The following KLHL8 variants were observed in gnomAD, a reference collection of about 807,000 sequenced individuals.
The protein encoded by KLHL8 is kelch-like protein 8.
A neutral mutation model predicts 63.5 loss-of-function variants in KLHL8; 38 were observed. The ratio of observed to expected loss-of-function variants is 0.60; its 90% CI spans 0.46 to 0.78. KLHL8 has a LOEUF of 0.78. Among genes scored for constraint, KLHL8 ranks in the 30% least tolerant of loss-of-function variants. KLHL8 has a pLI of 0.00. For synonymous variants in KLHL8, 224 were observed against 254.3 expected (o/e 0.88, Z 1.13); for missense variants, 566 against 752.4 (o/e 0.75, Z 2.90).
At chr4:87,208,708 A>G (rs1732265300) in intron 1 of KLHL8, among the ~76,000 whole-genome samples, 1 of 152,110 alleles carries the variant, frequency 6.6e-6, no homozygotes, top group Non-Finnish European at 1.5e-5. Flanking sequence ...AGGTATCACT[A>G]ATATCTTATT....
At chr4:87,219,745 G>C (rs1192828064) in intron 1 of KLHL8, 1 of 152,580 alleles carries the variant, frequency 6.6e-6, no homozygotes, top group African/African-American at 2.4e-5. Flanking sequence ...CCACCGGGCG[G>C]CTGAGCGTCT....
Position 87,220,546 on chromosome 4 carries a change from C to G in KLHL8, c.-280G>C, listed in dbSNP as rs970251683. On this transcript the variant is annotated 5_prime_UTR_variant, in exon 1 of 10. Coordinates refer to ENST00000273963, the MANE Select transcript of KLHL8 (RefSeq NM_020803.5). The stretch of plus-strand genomic sequence containing the variant: ...CGAGCACCCGGCGGACGCGCGCTCT[C>G]CTGCGCGGCCCCGCGGAGCCCCGGC... 47 of 152,074 alleles carry G rather than the reference C, an allele frequency of 3.1e-4. No homozygotes were observed. Among genetic ancestry groups the G allele is most frequent in the African/African-American group, 1.1e-3 (44 of 41,434 alleles). 9.4% of individuals were successfully genotyped at this position (152,074 alleles called of 1,614,324 possible).
intron 1 of KLHL8, among the ~76,000 whole-genome samples, chr4:87,210,754 T>G (rs1732372797): frequency 6.6e-6 from 1 of 152,172 alleles, no homozygotes; most frequent in Non-Finnish European, 1.5e-5. Flanking sequence ...TCTGCCTCCT[T>G]TCAGGCTTTC....
chr4:87,178,603 C>A lies in KLHL8; in HGVS notation c.970G>T (p.Gly324Cys). The change falls in exon 5 of 10, where the codon GGT (glycine) becomes TGT (cysteine). Residue 324 changes from glycine to cysteine, a missense_variant. Coordinates refer to ENST00000273963, the MANE Select transcript of KLHL8 (RefSeq NM_020803.5). ...GGGTCACCAGATCCACCTCGACCAC[C>A]TACACAAAACAGCACACCTAAAGGT... ...KHTAGVLFCV[G>C]GRGGSGDPFR... 1.3e-6 allele frequency: 2 copies of A among 1,595,814 alleles called. No homozygotes were observed. Among genetic ancestry groups the A allele is most frequent in the Non-Finnish European group, 1.7e-6 (2 of 1,175,046 alleles).
intron 1 of KLHL8, among the ~76,000 whole-genome samples, chr4:87,208,358 CTTCT>C (rs1427226272): frequency 2.6e-5 from 4 of 151,398 alleles, no homozygotes; most frequent in Admixed American, 1.3e-4. Flanking sequence ...TTGTCTTCTT[CTTCT>C]TTTTTTCTTT....
intron 1 of KLHL8, among the ~76,000 whole-genome samples, chr4:87,208,908 C>T (rs1004386437): frequency 4.6e-5 from 7 of 152,084 alleles, no homozygotes; most frequent in African/African-American, 1.7e-4. Flanking sequence ...ATTATTTTTA[C>T]ATTTGAATTC....
intron 8 of KLHL8, among the ~76,000 whole-genome samples, chr4:87,164,919 G>A (rs191539735): frequency 6.6e-5 from 10 of 151,814 alleles, no homozygotes; most frequent in African/African-American, 1.7e-4. Context: ...GAGGCCAAGG[G>A]GGGCCGATCA....
chr4:87,185,282 T>C lies in KLHL8; in HGVS notation c.734A>G (p.His245Arg), dbSNP rs1399825171. 25 of 1,613,736 alleles carry C rather than the reference T, an allele frequency of 1.5e-5. No individual in the cohort carries two copies. Among genetic ancestry groups the C allele is most frequent in the Non-Finnish European group, 2.0e-5 (24 of 1,179,728 alleles). Residue 245 changes from histidine to arginine, a missense_variant, in exon 3 of 10, where the codon CAT becomes CGT. Physicochemically the swap from His to Arg is conservative, Grantham distance 29. Coordinates refer to ENST00000273963, the MANE Select transcript of KLHL8 (RefSeq NM_020803.5). ...AAGTGTTTCATCCAACCATTTGGAA[T>C]GATGCTGAGGATTGGCAAGAAGCCA... ...IKWLLANPQH[H>R]SKWLDETLAQ...
At position 87,185,990 on chromosome 4, in the gene KLHL8, T is replaced by C. The variant is rs183521504; in HGVS notation, c.217-191A>G. On this transcript the variant is annotated intron_variant, in intron 2 of 9. Transcript: ENST00000273963. ...GTCAGGTAATTTTCATATTCCAAAT[T>C]AACCACATATCATATTCATATATAT... 1.9e-3 allele frequency among the ~76,000 whole-genome samples: 296 copies of C among 152,080 alleles called. 7 individuals are homozygous for C. Among genetic ancestry groups the C allele is most frequent in the Admixed American group, 0.018 (278 of 15,266 alleles).
intron 1 of KLHL8, among the ~76,000 whole-genome samples, chr4:87,213,213 A>G (rs948909340): frequency 6.6e-6 from 1 of 152,216 alleles, no homozygotes; most frequent in Admixed American, 6.5e-5. Flanking sequence ...GTATTAAAAG[A>G]AAGATCTTGA....
intron 1 of KLHL8, among the ~76,000 whole-genome samples, chr4:87,214,606 T>G (rs1001162094): frequency 2.0e-5 from 3 of 151,744 alleles, no homozygotes; most frequent in Non-Finnish European, 2.9e-5. Context: ...AGCTATGAAG[T>G]GCAATGTCGA....
intron 2 of KLHL8, among the ~76,000 whole-genome samples, chr4:87,190,033 CAAAAA>C (rs35607781): frequency 5.2e-5 from 4 of 76,758 alleles, no homozygotes; most frequent in Admixed American, 1.5e-4. Flanking sequence ...GCCTCCATCT[CAAAAA>C]AAAAAAAAAA....
intron 8 of KLHL8, 53 bp from the exon 9 acceptor site, chr4:87,164,132 C>T: frequency 7.0e-7 from 1 of 1,429,826 alleles, no homozygotes; most frequent in Non-Finnish European, 9.8e-7. Context: ...AAATTAACTA[C>T]TAAATTTCAA....
At chr4:87,235,661 C>T (rs1733213409) in intron 1 of KLHL8, among the ~76,000 whole-genome samples, 1 of 152,146 alleles carries the variant, frequency 6.6e-6, no homozygotes, top group Admixed American at 6.6e-5. Flanking sequence ...AGCATGATCT[C>T]TATAGCTAAT....
chr4:87,194,000 T>C (rs995392954), intron 2 of KLHL8, among the ~76,000 whole-genome samples: 8 of 152,206 alleles, frequency 5.3e-5, no homozygotes, highest in African/African-American at 1.9e-4. Context: ...TGCTTAAGTG[T>C]TAACTATAGG....
chr4:87,165,932 A>G (rs1051137461), intron 8 of KLHL8, among the ~76,000 whole-genome samples: 3 of 150,716 alleles, frequency 2.0e-5, no homozygotes, highest in Non-Finnish European at 4.4e-5. Flanking sequence ...TTCAACCTGA[A>G]TCATTCTTAT....
At chr4:87,166,879 GC>G (rs1169764263) in intron 8 of KLHL8, 1 of 162,808 alleles carries the variant, frequency 6.1e-6, no homozygotes, top group Non-Finnish European at 1.3e-5. Context: ...CGTGCCTGCA[GC>G]CCTGAGCCGG....
intron 2 of KLHL8, among the ~76,000 whole-genome samples, chr4:87,186,737 C>T (rs1182207378): frequency 6.6e-6 from 1 of 152,098 alleles, no homozygotes; most frequent in African/African-American, 2.4e-5. Flanking sequence ...ACTTTGGCCT[C>T]CCAAAGTGCT....
chr4:87,220,823 A>G (rs530147149), upstream of KLHL8: 1 of 152,360 alleles, frequency 6.6e-6, no homozygotes, highest in South Asian at 2.1e-4. Context: ...TTGAAATAAA[A>G]CACTGCCTAA....
Sources: gnomAD v4.1 joint callset for allele counts (sites outside exome capture counted in the v4.1 genomes callset) on GRCh38, gnomAD v4.1.1 for gene constraint, MANE v1.5 for transcripts, NCBI Gene and HGNC (gene_info 2026-07-23, HGNC 2026-07-21) for gene names.